Variants in DNMBP observed in about 807,000 individuals in gnomAD.
The protein encoded by DNMBP is dynamin binding protein, also known as dynamin-binding protein.
Under a neutral mutation model 150.0 loss-of-function variants are expected in DNMBP, and 87 were observed. That is an observed-to-expected ratio of 0.58 (90% CI 0.49 to 0.69). The LOEUF (loss-of-function observed/expected upper bound fraction) is 0.69, where lower values mean the gene tolerates loss of function less well. Among genes scored for constraint, DNMBP ranks in the 30% least tolerant of loss-of-function variants. DNMBP has a pLI of 0.00. For synonymous variants in DNMBP, 711 were observed against 750.4 expected (o/e 0.95, Z 0.86); for missense variants, 1,774 against 1,949.0 (o/e 0.91, Z 1.69).
chr10:99,883,123 C>T lies in DNMBP; in HGVS notation c.3997+888G>A, dbSNP rs144675941. Among the ~76,000 whole-genome samples, 116 of 133,992 alleles carry T rather than the reference C, an allele frequency of 8.7e-4. 2 individuals are homozygous for T. The highest frequency in any genetic ancestry group is 3.2e-3 in the African/African-American group (114 of 35,184). The allele number at this position is 133,992 out of a possible 152,430, so 87.9% of individuals were successfully genotyped here. On this transcript the variant is annotated intron_variant, in intron 15 of 16. Coordinates refer to ENST00000324109, the MANE Select transcript of DNMBP (RefSeq NM_015221.4). ...GATAAGTTACAATTATAAATAGTCTCACATCACCTTCATTCAGGTTTTGGC... is the reference window on the plus strand; with the variant it reads ...GATAAGTTACAATTATAAATAGTCTTACATCACCTTCATTCAGGTTTTGGC...
chr10:99,885,878 G>T lies in DNMBP; in HGVS notation c.3619-12C>A. The stretch of plus-strand genomic sequence containing the variant: ...GCCACTTTGAGTAACTGGGGTCCAT[G>T]GGAAGAGCAGAGATAGAGAAAAGAA... On this transcript the variant is annotated splice_polypyrimidine_tract_variant and intron_variant, in intron 13 of 16. Coordinates refer to ENST00000324109, the MANE Select transcript of DNMBP (RefSeq NM_015221.4). The T allele has an allele frequency of 6.2e-7, 1 of 1,602,410 alleles. No homozygotes were observed. Among genetic ancestry groups the T allele is most frequent in the Non-Finnish European group, 8.5e-7 (1 of 1,174,594 alleles).
At chr10:99,950,124 G>A (rs748362577) in intron 4 of DNMBP, among the ~76,000 whole-genome samples, 3 of 152,102 alleles carry the variant, frequency 2.0e-5, no homozygotes, top group Non-Finnish European at 4.4e-5. Flanking sequence ...TGCTGTTCTC[G>A]TGACTGAATA....
chr10:99,962,970 C>T (rs1352749151), intron 3 of DNMBP, among the ~76,000 whole-genome samples: 5 of 152,220 alleles, frequency 3.3e-5, no homozygotes, highest in African/African-American at 1.2e-4. Context: ...GTTATTTCTA[C>T]ACAGTAAAGG....
At position 99,993,822 on chromosome 10, in the gene DNMBP, GA is replaced by G. The variant is rs531655475; in HGVS notation, c.-11+16015del. Among the ~76,000 whole-genome samples, 36 of 151,734 alleles carry G rather than the reference GA, an allele frequency of 2.4e-4. No individual in the cohort carries two copies. The South Asian group carries it at 4.4e-3, about 18-fold the overall frequency. On this transcript the variant is annotated intron_variant, in intron 1 of 16. Coordinates refer to ENST00000324109, the MANE Select transcript of DNMBP (RefSeq NM_015221.4). ...TGTCTTTAAAAAAACTGTGAAGGTA[GA>G]AAAAAAATAGAGAAGGCATACATGA...
intron 1 of DNMBP, among the ~76,000 whole-genome samples, chr10:99,981,960 G>A (rs184454764): frequency 1.6e-4 from 24 of 152,212 alleles, no homozygotes; most frequent in Middle Eastern, 3.4e-3. Context: ...ACCTCTTCAG[G>A]AGCAGGGTGG....
chr10:99,950,826 G>C (rs2040412962), intron 4 of DNMBP, among the ~76,000 whole-genome samples: 1 of 152,242 alleles, frequency 6.6e-6, no homozygotes, highest in Non-Finnish European at 1.5e-5. Context: ...AAAATGTGCA[G>C]CCTGACAATG....
intron 15 of DNMBP, among the ~76,000 whole-genome samples, chr10:99,882,188 T>C (rs72838180): frequency 0.044 from 6,710 of 152,036 alleles, 216 homozygotes; most frequent in Non-Finnish European, 0.071. Flanking sequence ...AGGTTGAGAG[T>C]AGAATGCTAG....
chr10:99,919,206 T>C (rs964763368), intron 4 of DNMBP, among the ~76,000 whole-genome samples: 1 of 152,190 alleles, frequency 6.6e-6, no homozygotes, highest in East Asian at 1.9e-4. Context: ...CCCAAGCCAG[T>C]GCTCTCCATT....
chr10:99,886,213 T>C, intron 13 of DNMBP, 87 bp downstream of exon 13: 1 of 1,155,980 alleles, frequency 8.7e-7, no homozygotes, highest in East Asian at 2.4e-5. Context: ...ATTCAGATAA[T>C]TTTTCAAACC....
intron 1 of DNMBP, among the ~76,000 whole-genome samples, chr10:100,003,581 C>T (rs1252660624): frequency 4.6e-5 from 7 of 152,158 alleles, no homozygotes; most frequent in African/African-American, 1.7e-4. Context: ...GTTACTATTT[C>T]AGTGGCTCAC....
rs1269382502 is a variant in DNMBP, at chr10:99,909,038, T to C, written c.2369A>G (p.Glu790Gly). Residue 790 changes from glutamate to glycine, a missense_variant, in exon 5 of 17, where the codon GAA becomes GGA. Transcript: ENST00000324109. Reference sequence around the variant, plus strand: ...GTCTCTTTCTGTCTGAAGAAGTTCTTCTATGACCTTGGCTCTCTTCTCCAG... The same window carrying C: ...GTCTCTTTCTGTCTGAAGAAGTTCTCCTATGACCTTGGCTCTCTTCTCCAG... ...RMLEKRAKVIEELLQTERDYI... is the reference protein window; with the variant it reads ...RMLEKRAKVIGELLQTERDYI... The C allele has an allele frequency of 1.2e-6, 2 of 1,614,076 alleles. No homozygotes were observed.
At chr10:99,887,022 T>C (rs1590211764) in intron 12 of DNMBP, among the ~76,000 whole-genome samples, 2 of 152,200 alleles carry the variant, frequency 1.3e-5, no homozygotes, top group Non-Finnish European at 2.9e-5. Flanking sequence ...CCAGAGTTAG[T>C]TGTTACATAA....
At chr10:100,009,173 T>TTGTTTTGCA in intron 1 of DNMBP, among the ~76,000 whole-genome samples, 1 of 152,214 alleles carries the variant, frequency 6.6e-6, no homozygotes, top group South Asian at 2.1e-4. Flanking sequence ...AAAATTTAAG[T>TTGTTTTGCA]CTATACTCCT....
At chr10:99,898,356 A>AC (rs770052636) in intron 8 of DNMBP, 71 bp from the exon 9 acceptor site, 7 of 1,368,046 alleles carry the variant, frequency 5.1e-6, no homozygotes, top group Middle Eastern at 1.8e-4. Flanking sequence ...ACATCGTGAG[A>AC]CCCCACCTTA....
At chr10:99,967,682 T>G (rs964392833) in intron 3 of DNMBP, among the ~76,000 whole-genome samples, 1 of 150,588 alleles carries the variant, frequency 6.6e-6, no homozygotes, top group African/African-American at 2.5e-5. Flanking sequence ...TGTGTGTGTG[T>G]GTGTGTGTGT....
intron 1 of DNMBP, among the ~76,000 whole-genome samples, chr10:99,986,145 T>C (rs1004804556): frequency 1.3e-5 from 2 of 152,192 alleles, no homozygotes; most frequent in Admixed American, 1.3e-4. Context: ...AGGGGAATGT[T>C]CATGAGTAAA....
chr10:99,915,094 C>CAA lies in DNMBP; in HGVS notation c.2261-5950_2261-5949dup, dbSNP rs1290992306. Among the ~76,000 whole-genome samples the CAA allele has an allele frequency of 1.2e-3, 95 of 81,538 alleles. 1 individual carries two copies. The highest frequency in any genetic ancestry group is 4.6e-3 in the African/African-American group (78 of 16,946). 53.5% of individuals were successfully genotyped at this position (81,538 alleles called of 152,430 possible). A position where few individuals can be genotyped will look rare whatever the true frequency, so the allele number is the denominator to read the frequency against. On this transcript the variant is annotated intron_variant, in intron 4 of 16. Coordinates refer to ENST00000324109, the MANE Select transcript of DNMBP (RefSeq NM_015221.4). ...GGGCAACAAGTGTGAAACTCTGTCT[C>CAA]AAAAAAAAAAAAAAATATATATATA...
rs573049596 is a variant in DNMBP, at chr10:99,933,714, A to G, written c.2260+21500T>C. Among the ~76,000 whole-genome samples the G allele has an allele frequency of 6.6e-5, 10 of 152,188 alleles. 1 individual carries two copies. The South Asian group carries it at 2.1e-3, about 32-fold the overall frequency. ...TGGATGGCCTTAGGGCCAGAGGGGG[A>G]AAAATCACTTGTTGTTGTTTTTGTT... On this transcript the variant is annotated intron_variant, in intron 4 of 16. Coordinates refer to ENST00000324109, the MANE Select transcript of DNMBP (RefSeq NM_015221.4).
intron 4 of DNMBP, chr10:99,930,916 C>T (rs1456354896): frequency 1.3e-5 from 7 of 536,272 alleles, no homozygotes; most frequent in Admixed American, 7.3e-5. Context: ...CTAGTCGGAG[C>T]GCAGTGAGAT....
Sources: gnomAD v4.1 joint callset for allele counts (sites outside exome capture counted in the v4.1 genomes callset) on GRCh38, gnomAD v4.1.1 for gene constraint, MANE v1.5 for transcripts, NCBI Gene and HGNC (gene_info 2026-07-23, HGNC 2026-07-21) for gene names.